Variants in KCNT1 observed in about 807,000 individuals in gnomAD.
The protein encoded by KCNT1 is potassium channel subfamily T member 1.
In KCNT1, 78 loss-of-function variants were observed where a neutral mutation model predicts 147.8. The observed-to-expected ratio is 0.53, with a 90% CI of 0.44 to 0.64. The LOEUF (loss-of-function observed/expected upper bound fraction) is 0.64, where lower values mean the gene tolerates loss of function less well. KCNT1 is among the 30% of genes least tolerant of loss of function. The probability of loss-of-function intolerance (pLI) is 0.00; values close to 1 mark genes in which losing one functional copy is unlikely to be tolerated. For missense variants in KCNT1, 1,419 were observed against 1,750.3 expected, an observed-to-expected ratio of 0.81 and a Z score of 3.38; for synonymous variants, 867 against 748.8, an observed-to-expected ratio of 1.16 and a Z score of -2.58.
chr9:135,765,435 G>A (rs969754970), intron 12 of KCNT1, among the ~76,000 whole-genome samples, 189 bp from the exon 13 acceptor site: 4 of 152,112 alleles, frequency 2.6e-5, no homozygotes, highest in African/African-American at 9.7e-5. Flanking sequence ...TACCCCTTCA[G>A]TGAGGGTGGC....
intron 2 of KCNT1, among the ~76,000 whole-genome samples, chr9:135,746,778 G>T (rs1238909129): frequency 6.6e-6 from 1 of 152,136 alleles, no homozygotes; most frequent in Non-Finnish European, 1.5e-5. Context: ...AGTGTGGGGC[G>T]ATGGTCAGGG....
At chr9:135,787,990 C>A (rs961926767) in intron 29 of KCNT1, 2 of 789,732 alleles carry the variant, frequency 2.5e-6, no homozygotes, top group Non-Finnish European at 4.5e-6. Flanking sequence ...TGGCCGGCCT[C>A]CCGTGCAGCT....
At chr9:135,729,934 G>A (rs543102) in intron 2 of KCNT1, among the ~76,000 whole-genome samples, 67,630 of 151,928 alleles carry the variant, frequency 0.45, 15,177 homozygotes, top group East Asian at 0.62. Context: ...GTGGCTTTAC[G>A]AGCACCCAGT....
intron 4 of KCNT1, among the ~76,000 whole-genome samples, chr9:135,751,891 C>T (rs1365678528): frequency 1.3e-5 from 2 of 152,200 alleles, no homozygotes; most frequent in African/African-American, 4.8e-5. Flanking sequence ...CTTGTTCACT[C>T]GTCCACTTGT....
At chr9:135,773,680 C>T (rs1016474696) in intron 19 of KCNT1, among the ~76,000 whole-genome samples, 2 of 152,378 alleles carry the variant, frequency 1.3e-5, no homozygotes, top group Middle Eastern at 3.4e-3. Context: ...CCATCCTCAG[C>T]GGGGCTGCCT....
At chr9:135,718,393 G>T (rs1214394744) in intron 2 of KCNT1, among the ~76,000 whole-genome samples, 1 of 152,210 alleles carries the variant, frequency 6.6e-6, no homozygotes, top group African/African-American at 2.4e-5. Context: ...TGCCGGCTCT[G>T]GGTGAGAAAG....
chr9:135,787,870 G>A (rs369021672), intron 29 of KCNT1, among the ~76,000 whole-genome samples: 43 of 152,110 alleles, frequency 2.8e-4, no homozygotes, highest in African/African-American at 5.1e-4. Flanking sequence ...GGATGATCCC[G>A]CCCGGTCTGG....
intron 24 of KCNT1, among the ~76,000 whole-genome samples, chr9:135,781,833 AG>A (rs1240817314): frequency 6.6e-6 from 1 of 152,180 alleles, no homozygotes. Context: ...CTGTAATCCC[AG>A]CACTTTTAGA....
At position 135,747,140 on chromosome 9, in the gene KCNT1, A is replaced by G. The variant is rs544022232; in HGVS notation, c.255-2958A>G. On this transcript the variant is annotated intron_variant, in intron 2 of 30. Coordinates refer to ENST00000371757, the MANE Select transcript of KCNT1 (RefSeq NM_020822.3). ...CAAGCCCTGGGGTCCCCCAAGGAGA[A>G]CGGAGCGGAGGGGAGAACAACAGAG... Among the ~76,000 whole-genome samples the G allele has an allele frequency of 2.2e-3, 340 of 152,114 alleles. 2 individuals are homozygous for G. The highest frequency in any genetic ancestry group is 3.5e-3 in the Non-Finnish European group (237 of 67,952).
rs1831337271 is a variant in KCNT1 at position 135,753,954 on chromosome 9, A to G, written c.452A>G (p.Gln151Arg). 4 of 1,614,146 alleles carry G rather than the reference A, an allele frequency of 2.5e-6. No individual in the cohort carries two copies. Among genetic ancestry groups the G allele is most frequent in the Middle Eastern group, 1.7e-4 (1 of 6,060 alleles). The change falls in exon 5 of 31, where the codon CAG becomes CGG. Residue 151 changes from glutamine (Q) to arginine (R), a missense_variant. Coordinates refer to ENST00000371757, the MANE Select transcript of KCNT1 (RefSeq NM_020822.3). ...LGIGCWGCPK[Q>R]NYSFNDSSSE... ...CTCCACAGCTGGGGCTGCCCAAAGC[A>G]GAACTACTCCTTCAATGACTCGTCC...
intron 2 of KCNT1, among the ~76,000 whole-genome samples, chr9:135,734,923 C>T (rs1296378479): frequency 2.0e-5 from 3 of 152,188 alleles, no homozygotes; most frequent in Non-Finnish European, 2.9e-5. Context: ...AGGCGGCGCC[C>T]AGGGGTGGTG....
At chr9:135,718,294 G>A (rs997704738) in intron 2 of KCNT1, among the ~76,000 whole-genome samples, 6 of 152,224 alleles carry the variant, frequency 3.9e-5, no homozygotes, top group Non-Finnish European at 5.9e-5. Context: ...GGGAGGACGT[G>A]CTTATCTGAA....
intron 2 of KCNT1, among the ~76,000 whole-genome samples, chr9:135,725,468 C>T (rs1418554051): frequency 2.0e-5 from 3 of 152,252 alleles, no homozygotes; most frequent in Non-Finnish European, 4.4e-5. Context: ...GACGCTACCA[C>T]GAGCCCAGGG....
At chr9:135,745,598 G>A (rs1376376489) in intron 2 of KCNT1, among the ~76,000 whole-genome samples, 4 of 152,236 alleles carry the variant, frequency 2.6e-5, no homozygotes, top group East Asian at 3.8e-4. Flanking sequence ...CAAGGGCGTC[G>A]TCCCAAGAGA....
intron 6 of KCNT1, 94 bp from the exon 7 acceptor site, chr9:135,756,779 G>A: frequency 1.0e-6 from 1 of 999,398 alleles, no homozygotes; most frequent in Non-Finnish European, 1.6e-6. Flanking sequence ...CACACACCTG[G>A]CTTTGTGTGG....
chr9:135,768,458 G>A (rs573345256), intron 13 of KCNT1, 152 bp from the exon 14 acceptor site: 16 of 566,410 alleles, frequency 2.8e-5, no homozygotes, highest in East Asian at 6.5e-5. Context: ...CATCCTCTCC[G>A]CCTTCCATCC....
chr9:135,785,625 C>A (rs1254244008), intron 28 of KCNT1: 1 of 589,286 alleles, frequency 1.7e-6, no homozygotes, highest in Non-Finnish European at 3.0e-6. Context: ...CAGGCAGCCC[C>A]CATGCCCATC....
At chr9:135,731,991 TAGAGAGAGAGAGAGAGAGAGAG>T (rs1189149987) in intron 2 of KCNT1, among the ~76,000 whole-genome samples, 6 of 21,752 alleles carry the variant, frequency 2.8e-4, no homozygotes, top group Admixed American at 6.9e-4. Flanking sequence ...TATATATATA[TAGAGAGAGAGAGAGAGAGAGAG>T]AGAGAGAGAG....
rs1461882196 is a variant in KCNT1 at position 135,795,236 on chromosome 9, T to G, written c.*3075T>G. Reference sequence around the variant, plus strand: ...ACTGCTTGAGCCCAGGAGTTGAGTTTAAGATCAGCGTGGGCAACATGATGA... The same window carrying G: ...ACTGCTTGAGCCCAGGAGTTGAGTTGAAGATCAGCGTGGGCAACATGATGA... On this transcript the variant is annotated 3_prime_UTR_variant, in exon 31 of 31. Transcript: ENST00000371757. 1 of 151,304 alleles carries G rather than the reference T, an allele frequency of 6.6e-6. No homozygotes were observed. The highest frequency in any genetic ancestry group is 6.6e-5 in the Admixed American group (1 of 15,194). The allele number at this position is 151,304 out of a possible 1,614,324, so 9.4% of individuals were successfully genotyped here. A position where few individuals can be genotyped will look rare whatever the true frequency, so the allele number is the denominator to read the frequency against.
Sources: gnomAD v4.1 joint callset for allele counts (sites outside exome capture counted in the v4.1 genomes callset) on GRCh38, gnomAD v4.1.1 for gene constraint, MANE v1.5 for transcripts, NCBI Gene and HGNC (gene_info 2026-07-23, HGNC 2026-07-21) for gene names.